The following BROX variants were observed in gnomAD, a reference collection of about 807,000 sequenced individuals.
The protein encoded by BROX is BRO1 domain and CAAX motif containing.
A neutral mutation model predicts 61.0 loss-of-function variants in BROX; 53 were observed. That is an observed-to-expected ratio of 0.87 (90% CI 0.70 to 1.09). BROX has a LOEUF of 1.09. Among genes scored for constraint, BROX ranks in the 50% least tolerant of loss-of-function variants. The pLI, the probability that BROX is intolerant of heterozygous loss-of-function variation, is 0.00. For synonymous variants in BROX, 152 were observed against 160.2 expected, an observed-to-expected ratio of 0.95 and a Z score of 0.38; for missense variants, 489 against 472.0, an observed-to-expected ratio of 1.04 and a Z score of -0.33.
chr1:222,712,568 C>T lies in BROX; in HGVS notation c.-391C>T, dbSNP rs1424972656. Reference sequence around the variant, plus strand: ...GGGTTAGGTTGAGGCCGCCCCACTGCGCCGAGGGCCGCCATCGCTATTGCG... The same window carrying T: ...GGGTTAGGTTGAGGCCGCCCCACTGTGCCGAGGGCCGCCATCGCTATTGCG... On this transcript the variant is annotated 5_prime_UTR_variant, in exon 1 of 13. Coordinates refer to ENST00000340934, the MANE Select transcript of BROX (RefSeq NM_144695.4). The T allele has an allele frequency of 3.6e-6, 5 of 1,375,834 alleles. No individual in the cohort carries two copies. Among genetic ancestry groups the T allele is most frequent in the East Asian group, 3.0e-5 (1 of 33,402 alleles). The allele number at this position is 1,375,834 out of a possible 1,614,324, so 85.2% of individuals were successfully genotyped here.
At chr1:222,728,570 TTAAAG>T (rs1657686003) in intron 8 of BROX, among the ~76,000 whole-genome samples, 168 bp from the exon 9 acceptor site, 1 of 152,110 alleles carries the variant, frequency 6.6e-6, no homozygotes, top group Non-Finnish European at 1.5e-5. Context: ...CTTATGTAAC[TTAAAG>T]TATAGATTTG....
At chr1:222,718,401 T>C (rs546480707) in intron 2 of BROX, among the ~76,000 whole-genome samples, 2 of 152,190 alleles carry the variant, frequency 1.3e-5, no homozygotes, top group Non-Finnish European at 2.9e-5. Flanking sequence ...GGATATGTAA[T>C]GTAATTTCAT....
At chr1:222,731,916 G>A (rs1657966487) in intron 12 of BROX, among the ~76,000 whole-genome samples, 1 of 152,190 alleles carries the variant, frequency 6.6e-6, no homozygotes, top group South Asian at 2.1e-4. Context: ...TAAAATAAGA[G>A]TGCTTTTATT....
At chr1:222,713,909 A>C (rs528278083) in intron 1 of BROX, 1 of 152,320 alleles carries the variant, frequency 6.6e-6, no homozygotes, top group East Asian at 1.9e-4. Context: ...TTGGGTACAC[A>C]CTGTATTCTC....
Position 222,734,280 on chromosome 1 carries a change from A to G in BROX, c.*1566A>G, listed in dbSNP as rs1014952442. The G allele has an allele frequency of 6.6e-6, 1 of 152,210 alleles. No individual in the cohort carries two copies. The highest frequency in any genetic ancestry group is 1.5e-5 in the Non-Finnish European group (1 of 68,016). 9.4% of individuals were successfully genotyped at this position (152,210 alleles called of 1,614,324 possible). On this transcript the variant is annotated 3_prime_UTR_variant, in exon 13 of 13. Transcript: ENST00000340934. Reference sequence around the variant, plus strand: ...TACTATGTGCCAGATACTGTGCTGGACACTTACATAGATAAGCCATTGAAT... The same window carrying G: ...TACTATGTGCCAGATACTGTGCTGGGCACTTACATAGATAAGCCATTGAAT...
chr1:222,714,662 T>C (rs1656430202), intron 1 of BROX, among the ~76,000 whole-genome samples: 1 of 151,806 alleles, frequency 6.6e-6, no homozygotes, highest in Admixed American at 6.6e-5. Context: ...AGATCAGGGC[T>C]CACTGCAGCC....
chr1:222,725,336 C>G, intron 6 of BROX, 114 bp from the exon 7 acceptor site: 1 of 628,958 alleles, frequency 1.6e-6, no homozygotes. Flanking sequence ...CTCTGAATTT[C>G]TGCTAAGCCT....
At chr1:222,729,050 T>G (rs917972063) in intron 9 of BROX, among the ~76,000 whole-genome samples, 7 of 152,190 alleles carry the variant, frequency 4.6e-5, no homozygotes, top group African/African-American at 7.2e-5. Context: ...ATAGAATTAT[T>G]GTTTGATTGA....
chr1:222,728,345 TG>T (rs1401519675), intron 8 of BROX, among the ~76,000 whole-genome samples: 1 of 152,100 alleles, frequency 6.6e-6, no homozygotes, highest in Admixed American at 6.5e-5. Flanking sequence ...TAAAATTCAG[TG>T]ATGGGGGTAG....
At chr1:222,726,508 G>T (rs1277431741) in intron 7 of BROX, among the ~76,000 whole-genome samples, 1 of 152,052 alleles carries the variant, frequency 6.6e-6, no homozygotes. Flanking sequence ...CCTGAGGTTG[G>T]GAGTTCGAGA....
rs1657783698 is a variant in BROX at position 222,729,623 on chromosome 1, T to C, written c.760T>C (p.Tyr254His). The part of the protein sequence containing the change: ...LKMCFYTAYA[Y>H]CYHGETLLAS... The stretch of plus-strand genomic sequence containing the variant: ...AAAAATTTGTTTATTTCATCAGGCT[T>C]ACTGTTACCATGGTGAGACTTTATT... The change falls in exon 10 of 13, where the codon TAC becomes CAC. Residue 254 changes from tyrosine to histidine, a missense_variant. By Grantham distance (83) the Tyr-to-His change is moderately conservative. Transcript: ENST00000340934. The C allele has an allele frequency of 3.7e-6, 6 of 1,612,232 alleles. No individual in the cohort carries two copies. Among genetic ancestry groups the C allele is most frequent in the Non-Finnish European group, 5.1e-6 (6 of 1,178,634 alleles).
In BROX at chr1:222,725,442, G is replaced by T. The variant is rs370341891; in HGVS notation, c.475-8G>T. 1.3e-6 allele frequency: 2 copies of T among 1,571,282 alleles called. No individual in the cohort carries two copies. Among genetic ancestry groups the T allele is most frequent in the Admixed American group, 2.0e-5 (1 of 50,880 alleles). On this transcript the variant is annotated splice_polypyrimidine_tract_variant and splice_region_variant and intron_variant, in intron 6 of 12. Transcript: ENST00000340934. Reference sequence around the variant, plus strand: ...TTTGTTTTTTGTCTTTTTTGTTGTTGTTCTCAGGAAAGTCATCTCCCAAAA... The same window carrying T: ...TTTGTTTTTTGTCTTTTTTGTTGTTTTTCTCAGGAAAGTCATCTCCCAAAA...
At chr1:222,724,069 C>CTAAT in intron 5 of BROX, 23 bp from the exon 6 acceptor site, 2 of 1,550,918 alleles carry the variant, frequency 1.3e-6, no homozygotes, top group Non-Finnish European at 1.8e-6. Context: ...CATCCTCTAA[C>CTAAT]TAATGTAACC....
At position 222,713,419 on chromosome 1, in the gene BROX, A is replaced by C. The variant is rs576975145; in HGVS notation, c.-17+477A>C. 3.1e-6 allele frequency: 3 copies of C among 983,434 alleles called. No homozygotes were observed. The African/African-American group carries it at 5.3e-5, about 17-fold the overall frequency. The allele number at this position is 983,434 out of a possible 1,614,324, so 60.9% of individuals were successfully genotyped here. A position where few individuals can be genotyped will look rare whatever the true frequency, so the allele number is the denominator to read the frequency against. ...CAGAGCTCGGGGGCGGCGCTCAGGTAGGTTCCTCTGGGGACTCGGGGCTTC... is the reference window on the plus strand; with the variant it reads ...CAGAGCTCGGGGGCGGCGCTCAGGTCGGTTCCTCTGGGGACTCGGGGCTTC... On this transcript the variant is annotated intron_variant, in intron 1 of 12. Transcript: ENST00000340934.
At position 222,729,672 on chromosome 1, in the gene BROX, C is replaced by T. The variant is rs780392474; in HGVS notation, c.809C>T (p.Ala270Val). The change falls in exon 10 of 13, where the codon GCA (alanine) becomes GTA (valine). Residue 270 changes from alanine (A) to valine (V), a missense_variant. Physicochemically the swap from Ala to Val is moderately conservative, Grantham distance 64. Transcript: ENST00000340934. ...TTGGCTAGTGATAAATGCGGTGAAG[C>T]AATCAGGTCTCTCCAAGAAGCAGAA... ...TLLASDKCGE[A>V]IRSLQEAEKL... is the part of the protein sequence containing the mutation. 2 of 1,612,556 alleles carry T rather than the reference C, an allele frequency of 1.2e-6. No individual in the cohort carries two copies. Among genetic ancestry groups the T allele is most frequent in the Non-Finnish European group, 1.7e-6 (2 of 1,178,944 alleles).
intron 6 of BROX, among the ~76,000 whole-genome samples, 157 bp from the exon 7 acceptor site, chr1:222,725,293 T>C (rs1055731158): frequency 6.6e-6 from 1 of 152,234 alleles, no homozygotes; most frequent in Non-Finnish European, 1.5e-5. Flanking sequence ...TTTATAAGCT[T>C]ACTGTTGTTA....
chr1:222,729,049 T>C (rs896973317), intron 9 of BROX, among the ~76,000 whole-genome samples: 2 of 152,194 alleles, frequency 1.3e-5, no homozygotes, highest in Admixed American at 6.5e-5. Flanking sequence ...AATAGAATTA[T>C]TGTTTGATTG....
chr1:222,728,749 C>G lies in BROX; in HGVS notation c.677C>G (p.Thr226Ser), dbSNP rs1245735222. 3.1e-6 allele frequency: 5 copies of G among 1,588,228 alleles called. No individual in the cohort carries two copies. The highest frequency in any genetic ancestry group is 4.3e-6 in the Non-Finnish European group (5 of 1,161,140). The change falls in exon 9 of 13, where the codon ACT becomes AGT. Residue 226 changes from threonine to serine, a missense_variant. Physicochemically the swap from Thr to Ser is moderately conservative, Grantham distance 58. Transcript: ENST00000340934. ...TANFYQKADH[T>S]LSSLEPAYSA... ...TTTTAAAATGTAACTTTAGATCATA[C>G]TTTATCCAGTTTGGAGCCTGCATAT...
chr1:222,729,564 T>C (rs1657778915), intron 9 of BROX, 56 bp from the exon 10 acceptor site: 2 of 1,357,542 alleles, frequency 1.5e-6, no homozygotes, highest in Non-Finnish European at 2.1e-6. Context: ...CATAAAACAA[T>C]AGGGGAAAGC....
Sources: gnomAD v4.1 joint callset for allele counts (sites outside exome capture counted in the v4.1 genomes callset) on GRCh38, gnomAD v4.1.1 for gene constraint, MANE v1.5 for transcripts, NCBI Gene and HGNC (gene_info 2026-07-23, HGNC 2026-07-21) for gene names.